The following HOMER2 variants were observed in gnomAD, a reference collection of about 807,000 sequenced individuals.
HOMER2 encodes the protein homer scaffold protein 2.
HOMER2 carries 27 observed loss-of-function variants against 47.0 expected under a neutral mutation model. The ratio of observed to expected loss-of-function variants is 0.57; its 90% confidence interval spans 0.42 to 0.79. The LOEUF is 0.79. Ranked by LOEUF, HOMER2 falls within the 30% of genes least tolerant of loss-of-function variation. The pLI, the probability that HOMER2 is intolerant of heterozygous loss-of-function variation, is 0.00. For missense variants in HOMER2, 443 were observed against 435.0 expected (o/e 1.02, Z -0.16); for synonymous variants, 161 against 163.8 (o/e 0.98, Z 0.13).
At chr15:82,897,933 C>A (rs2052988125) in intron 1 of HOMER2, among the ~76,000 whole-genome samples, 1 of 152,214 alleles carries the variant, frequency 6.6e-6, no homozygotes, top group Admixed American at 6.5e-5. Flanking sequence ...TCCAGACACA[C>A]AGCAATGTGG....
At chr15:82,853,463 C>T (rs2051465159) in intron 6 of HOMER2, among the ~76,000 whole-genome samples, 2 of 152,178 alleles carry the variant, frequency 1.3e-5, no homozygotes, top group Non-Finnish European at 1.5e-5. Flanking sequence ...TTTTATGTGG[C>T]ATTAGCATGA....
Position 82,849,889 on chromosome 15 carries a change from G to T in HOMER2, c.858C>A (p.Asp286Glu), listed in dbSNP as rs1043199731. The T allele has an allele frequency of 6.2e-7, 1 of 1,613,766 alleles. No homozygotes were observed. Among genetic ancestry groups the T allele is most frequent in the South Asian group, 1.1e-5 (1 of 91,032 alleles). Reference protein sequence around the residue: ...VSEKLEAAERDNQNLEDKVRS... With the variant: ...VSEKLEAAERENQNLEDKVRS... ...GCACTTTGTCTTCCAGGTTTTGATT[G>T]TCTCTCTCTGCCGCCTGGCCAAGCA... Residue 286 changes from aspartate to glutamate, a missense_variant, in exon 9 of 9, where the codon GAC (aspartate) becomes GAA (glutamate). Physicochemically the swap from Asp to Glu is conservative, Grantham distance 45. Coordinates refer to ENST00000450735, the MANE Select transcript of HOMER2 (RefSeq NM_004839.4).
At chr15:82,859,852 C>T (rs1021984301) in intron 4 of HOMER2, among the ~76,000 whole-genome samples, 3 of 151,154 alleles carry the variant, frequency 2.0e-5, no homozygotes, top group African/African-American at 7.3e-5. Flanking sequence ...ATCCAAGTTT[C>T]AATTTCTGAA....
At chr15:82,870,815 C>T (rs754371007) in intron 3 of HOMER2, among the ~76,000 whole-genome samples, 1 of 152,168 alleles carries the variant, frequency 6.6e-6, no homozygotes, top group Non-Finnish European at 1.5e-5. Flanking sequence ...ATGCCATGCA[C>T]GTATCGGGGT....
chr15:82,880,971 C>A (rs938430912), intron 2 of HOMER2, among the ~76,000 whole-genome samples: 15 of 152,108 alleles, frequency 9.9e-5, no homozygotes, highest in African/African-American at 3.4e-4. Context: ...GCCCTCAATG[C>A]GGCAGAATGA....
intron 1 of HOMER2, among the ~76,000 whole-genome samples, chr15:82,912,376 C>T (rs1319178651): frequency 2.0e-5 from 3 of 152,116 alleles, no homozygotes; most frequent in Admixed American, 6.6e-5. Flanking sequence ...TTTCAGTGAG[C>T]GTAATATTTC....
At chr15:82,872,807 C>T (rs1275044010) in intron 3 of HOMER2, among the ~76,000 whole-genome samples, 1 of 152,210 alleles carries the variant, frequency 6.6e-6, no homozygotes, top group Admixed American at 6.5e-5. Flanking sequence ...CTGGATTTGA[C>T]ATCTCAGTGG....
At chr15:82,843,637 TAAAC>T (rs991336038) in exon 2 of HOMER2, 16 of 151,572 alleles carry the variant, frequency 1.1e-4, no homozygotes, top group South Asian at 4.2e-4. Flanking sequence ...GTTTATGAAA[TAAAC>T]CTCTTAGAAA....
At chr15:82,866,454 T>C (rs979576165) in intron 3 of HOMER2, among the ~76,000 whole-genome samples, 4 of 152,198 alleles carry the variant, frequency 2.6e-5, no homozygotes, top group African/African-American at 7.2e-5. Context: ...CTGTGGACTT[T>C]TGAGTTAATG....
intron 1 of HOMER2, among the ~76,000 whole-genome samples, chr15:82,967,026 G>A (rs971375616): frequency 6.6e-6 from 1 of 152,178 alleles, no homozygotes; most frequent in Non-Finnish European, 1.5e-5. Flanking sequence ...AGGAGGCCAA[G>A]GTGGGAGGAT....
intron 1 of HOMER2, among the ~76,000 whole-genome samples, chr15:82,896,670 C>T (rs895495026): frequency 6.6e-6 from 1 of 152,134 alleles, no homozygotes; most frequent in Non-Finnish European, 1.5e-5. Flanking sequence ...AGCTATGGCC[C>T]TCCAGAGGCC....
At chr15:82,981,841 C>G (rs1453657525) in intron 1 of HOMER2, among the ~76,000 whole-genome samples, 1 of 151,856 alleles carries the variant, frequency 6.6e-6, no homozygotes, top group Non-Finnish European at 1.5e-5. Context: ...TTGCTAGGGG[C>G]AGAGGGGAGA....
chr15:82,919,655 G>A (rs909751080), intron 1 of HOMER2, among the ~76,000 whole-genome samples: 17 of 152,104 alleles, frequency 1.1e-4, no homozygotes, highest in African/African-American at 3.6e-4. Context: ...ACACAATAGA[G>A]TACTATGTAA....
chr15:82,923,596 AT>A (rs2151178559), intron 1 of HOMER2, among the ~76,000 whole-genome samples: 1 of 152,222 alleles, frequency 6.6e-6, no homozygotes, highest in African/African-American at 2.4e-5. Flanking sequence ...ACCCTGTGTA[AT>A]TCCAAAAAGC....
intron 4 of HOMER2, among the ~76,000 whole-genome samples, chr15:82,860,956 TGA>T (rs56063630): frequency 1.8e-3 from 78 of 42,182 alleles, no homozygotes; most frequent in Middle Eastern, 0.026. Context: ...AGATAGAAGA[TGA>T]GAGAGAGAGA....
intron 1 of HOMER2, among the ~76,000 whole-genome samples, chr15:82,894,726 G>C (rs1263322571): frequency 6.7e-6 from 1 of 148,684 alleles, no homozygotes; most frequent in Admixed American, 6.7e-5. Flanking sequence ...GATTTAATAA[G>C]TACTTATTAG....
At position 82,923,046 on chromosome 15, in the gene HOMER2, T is replaced by A. The variant is rs370162161; in HGVS notation, c.5+29485A>T. Among the ~76,000 whole-genome samples the A allele has an allele frequency of 2.7e-4, 41 of 152,254 alleles. No individual in the cohort carries two copies. In the East Asian group the frequency reaches 4.8e-3, roughly 18 times the overall value. The stretch of plus-strand genomic sequence containing the variant: ...CTGGGTTCTCTCCCTGGATACCAGC[T>A]CTCTCTATACCTCACTCGTGGCCGT... On this transcript the variant is annotated intron_variant, in intron 1 of 8. Coordinates refer to ENST00000450735, the MANE Select transcript of HOMER2 (RefSeq NM_004839.4).
At chr15:82,907,365 G>C (rs1398224452) in intron 1 of HOMER2, among the ~76,000 whole-genome samples, 1 of 143,532 alleles carries the variant, frequency 7.0e-6, no homozygotes, top group African/African-American at 2.6e-5. Context: ...AGAAAGAAAA[G>C]AAAAGAGAAG....
chr15:82,905,931 G>T (rs1042588762), intron 1 of HOMER2, among the ~76,000 whole-genome samples: 1 of 152,118 alleles, frequency 6.6e-6, no homozygotes, highest in Non-Finnish European at 1.5e-5. Context: ...ATTCTTAATT[G>T]ATCTAACAGA....
Sources: gnomAD v4.1 joint callset for allele counts (sites outside exome capture counted in the v4.1 genomes callset) on GRCh38, gnomAD v4.1.1 for gene constraint, MANE v1.5 for transcripts, NCBI Gene and HGNC (gene_info 2026-07-23, HGNC 2026-07-21) for gene names.